Variants in CACNA2D3 observed in about 807,000 individuals in gnomAD.
CACNA2D3 encodes calcium voltage-gated channel auxiliary subunit alpha2delta 3, also known as voltage-dependent calcium channel subunit alpha-2/delta-3.
Under a neutral mutation model 160.6 loss-of-function variants are expected in CACNA2D3, and 60 were observed. That is an observed-to-expected ratio of 0.37 (90% CI 0.30 to 0.46). The LOEUF (loss-of-function observed/expected upper bound fraction) is 0.46. CACNA2D3 is among the 20% of genes least tolerant of loss of function. The probability of loss-of-function intolerance (pLI) is 1.00; values close to 1 mark genes in which losing one functional copy is unlikely to be tolerated. For missense variants in CACNA2D3, 1,205 were observed against 1,365.0 expected (o/e 0.88, Z 1.85); for synonymous variants, 558 against 492.9 (o/e 1.13, Z -1.75).
chr3:54,780,419 A>G (rs1702510321), intron 13 of CACNA2D3, among the ~76,000 whole-genome samples: 1 of 152,222 alleles, frequency 6.6e-6, no homozygotes, highest in Admixed American at 6.5e-5. Flanking sequence ...CATATTGTTT[A>G]TACTGTATTA....
chr3:54,281,965 C>T (rs1313493584), intron 2 of CACNA2D3, among the ~76,000 whole-genome samples: 1 of 152,196 alleles, frequency 6.6e-6, no homozygotes, highest in Admixed American at 6.6e-5. Flanking sequence ...TCTCTCCCGA[C>T]ATTTATAAAA....
rs1165348749 is a variant in CACNA2D3 at position 54,569,946 on chromosome 3, T to C, written c.738-8T>C. The C allele has an allele frequency of 1.9e-6, 3 of 1,613,880 alleles. No individual in the cohort carries two copies. The South Asian group carries it at 3.3e-5, about 18-fold the overall frequency. On this transcript the variant is annotated splice_region_variant and splice_polypyrimidine_tract_variant and intron_variant, in intron 7 of 37. Coordinates refer to ENST00000474759, the MANE Select transcript of CACNA2D3 (RefSeq NM_018398.3). ...ATTAATTTTGACTTAATTTTTCCCT[T>C]GACCTAGGTACATCCAGGCAGCAAC...
intron 17 of CACNA2D3, among the ~76,000 whole-genome samples, chr3:54,867,455 AAAAAT>A (rs1338497180): frequency 6.6e-6 from 1 of 152,142 alleles, no homozygotes; most frequent in East Asian, 1.9e-4. Flanking sequence ...TTGAAAAGAA[AAAAAT>A]AAAGGAACTA....
intron 11 of CACNA2D3, among the ~76,000 whole-genome samples, chr3:54,718,504 G>GTT (rs989673353): frequency 1.0e-4 from 15 of 149,118 alleles, no homozygotes; most frequent in Admixed American, 1.3e-4. Flanking sequence ...TAAAAATTAG[G>GTT]TTTTTTTTTT....
chr3:54,502,119 G>T (rs1374843037), intron 4 of CACNA2D3, among the ~76,000 whole-genome samples: 1 of 152,050 alleles, frequency 6.6e-6, no homozygotes, highest in Non-Finnish European at 1.5e-5. Context: ...GTAAATCTTC[G>T]TAATATTCAT....
At chr3:54,334,720 T>A (rs1704337541) in intron 3 of CACNA2D3, among the ~76,000 whole-genome samples, 1 of 152,162 alleles carries the variant, frequency 6.6e-6, no homozygotes, top group African/African-American at 2.4e-5. Flanking sequence ...AAAACTAACA[T>A]GAGGATCAAA....
At chr3:54,573,362 G>A (rs546464067) in intron 8 of CACNA2D3, among the ~76,000 whole-genome samples, 5 of 152,318 alleles carry the variant, frequency 3.3e-5, no homozygotes, top group Admixed American at 6.5e-5. Flanking sequence ...GCTTTTTAAT[G>A]TAGGCAATGT....
chr3:54,873,074 C>G (rs541016060), intron 18 of CACNA2D3, among the ~76,000 whole-genome samples: 1 of 152,102 alleles, frequency 6.6e-6, no homozygotes, highest in African/African-American at 2.4e-5. Context: ...CTCTAGACTT[C>G]AGTTTTATTT....
intron 35 of CACNA2D3, 82 bp from the exon 36 acceptor site, chr3:55,073,363 A>T: frequency 1.0e-6 from 1 of 998,738 alleles, no homozygotes. Flanking sequence ...GGTAGTTGCT[A>T]CCACCCAGGA....
chr3:54,514,847 A>G (rs1701519162), intron 5 of CACNA2D3, among the ~76,000 whole-genome samples: 5 of 152,184 alleles, frequency 3.3e-5, no homozygotes, highest in Admixed American at 3.3e-4. Flanking sequence ...AGTCCTTCAC[A>G]GAATGTTTTG....
At chr3:54,193,499 A>G (rs549592707) in intron 2 of CACNA2D3, among the ~76,000 whole-genome samples, 10 of 152,342 alleles carry the variant, frequency 6.6e-5, no homozygotes, top group African/African-American at 2.4e-4. Flanking sequence ...GGTGCTTGCT[A>G]AAATATTTTC....
chr3:54,227,707 A>G (rs1362338431), intron 2 of CACNA2D3, among the ~76,000 whole-genome samples: 1 of 151,998 alleles, frequency 6.6e-6, no homozygotes, highest in Non-Finnish European at 1.5e-5. Flanking sequence ...GGCGTGCACC[A>G]CTACACCTGG....
chr3:54,333,598 C>G (rs1474198236), intron 3 of CACNA2D3, among the ~76,000 whole-genome samples: 1 of 148,802 alleles, frequency 6.7e-6, no homozygotes, highest in Admixed American at 6.7e-5. Flanking sequence ...ATCTTTTGTA[C>G]AGCCCACCGA....
chr3:54,686,102 C>T (rs879593837), intron 11 of CACNA2D3, among the ~76,000 whole-genome samples: 1 of 152,238 alleles, frequency 6.6e-6, no homozygotes, highest in African/African-American at 2.4e-5. Flanking sequence ...AGCAATCTCC[C>T]TATCTAGCTA....
At chr3:54,350,427 T>C (rs990916822) in intron 3 of CACNA2D3, among the ~76,000 whole-genome samples, 1 of 152,188 alleles carries the variant, frequency 6.6e-6, no homozygotes, top group Non-Finnish European at 1.5e-5. Flanking sequence ...AAGACAGATA[T>C]GGCCTTTCTC....
intron 11 of CACNA2D3, among the ~76,000 whole-genome samples, chr3:54,685,254 C>G (rs922899685): frequency 6.6e-6 from 1 of 152,140 alleles, no homozygotes; most frequent in Non-Finnish European, 1.5e-5. Flanking sequence ...ATGAATGAAT[C>G]GGAGGTCCTC....
chr3:54,231,333 A>G (rs547714566), intron 2 of CACNA2D3, among the ~76,000 whole-genome samples: 1 of 152,318 alleles, frequency 6.6e-6, no homozygotes, highest in East Asian at 1.9e-4. Flanking sequence ...AGCTAATTTC[A>G]TGGAAGCACA....
chr3:54,800,204 C>T (rs1575481631), intron 13 of CACNA2D3, among the ~76,000 whole-genome samples: 2 of 152,022 alleles, frequency 1.3e-5, no homozygotes, highest in South Asian at 4.2e-4. Flanking sequence ...CATATCAGAC[C>T]CTCCTTAATC....
chr3:55,053,928 G>A (rs1056089147), intron 35 of CACNA2D3, among the ~76,000 whole-genome samples: 4 of 151,738 alleles, frequency 2.6e-5, no homozygotes, highest in African/African-American at 9.7e-5. Flanking sequence ...GATATTATTG[G>A]CTTGAAATCT....
Sources: gnomAD v4.1 joint callset for allele counts (sites outside exome capture counted in the v4.1 genomes callset) on GRCh38, gnomAD v4.1.1 for gene constraint, MANE v1.5 for transcripts, NCBI Gene and HGNC (gene_info 2026-07-23, HGNC 2026-07-21) for gene names.